PCNX4: variants seen among roughly 807,000 people sequenced by gnomAD.
The protein encoded by PCNX4 is pecanex-like protein 4.
PCNX4 carries 103 observed loss-of-function variants against 107.2 expected under a neutral mutation model. That is an observed-to-expected ratio of 0.96 (90% CI 0.82 to 1.13). The LOEUF is 1.13. Among genes scored for constraint, PCNX4 ranks in the 50% most tolerant of loss-of-function variants. The probability of loss-of-function intolerance (pLI) is 0.00; values close to 1 mark genes in which losing one functional copy is unlikely to be tolerated. For missense variants in PCNX4, 1,528 were observed against 1,379.4 expected, an observed-to-expected ratio of 1.11 and a Z score of -1.71; for synonymous variants, 541 against 481.7, an observed-to-expected ratio of 1.12 and a Z score of -1.61.
Position 60,136,263 on chromosome 14 carries a change from C to T in PCNX4, c.*2042C>T, listed in dbSNP as rs932622412. The T allele has an allele frequency of 1.6e-4, 24 of 152,142 alleles. No homozygotes were observed. The highest frequency in any genetic ancestry group is 4.6e-4 in the Admixed American group (7 of 15,272). The allele number at this position is 152,142 out of a possible 1,614,324, so 9.4% of individuals were successfully genotyped here. On this transcript the variant is annotated 3_prime_UTR_variant, in exon 11 of 11. Transcript: ENST00000406854. The stretch of plus-strand genomic sequence containing the variant: ...ATTATCTTTGTTTTCTTCTTATCTT[C>T]CTAGCAACTCCTCAAACATCTTTGC...
intron 2 of PCNX4, 81 bp from the exon 3 acceptor site, chr14:60,114,619 A>G (rs1895804514): frequency 2.5e-6 from 3 of 1,204,936 alleles, no homozygotes; most frequent in South Asian, 1.6e-5. Context: ...GTGTGTTGTT[A>G]TTCTGTGTTG....
In PCNX4 at chr14:60,145,255, G is replaced by A; in HGVS notation, c.*11034G>A. The A allele has an allele frequency of 3.0e-6, 1 of 332,364 alleles. No homozygotes were observed. The highest frequency in any genetic ancestry group is 1.1e-4 in the South Asian group (1 of 8,706). The allele number at this position is 332,364 out of a possible 1,614,324, so 20.6% of individuals were successfully genotyped here. On this transcript the variant is annotated 3_prime_UTR_variant, in exon 11 of 11. Coordinates refer to ENST00000406854, the MANE Select transcript of PCNX4 (RefSeq NM_001330177.2). The surrounding 1 kb of genome is among the most constrained non-coding windows in gnomAD (Gnocchi z 4.0). Reference sequence around the variant, plus strand: ...GTTTAGAGGAGGTATAAATAGCATTGGACTGCAATGCTAAATTCTCTATAA... The same window carrying A: ...GTTTAGAGGAGGTATAAATAGCATTAGACTGCAATGCTAAATTCTCTATAA...
At position 60,136,040 on chromosome 14, in the gene PCNX4, G is replaced by A. The variant is rs1418996351; in HGVS notation, c.*1819G>A. 1 of 151,704 alleles carries A rather than the reference G, an allele frequency of 6.6e-6. No homozygotes were observed. Among genetic ancestry groups the A allele is most frequent in the Non-Finnish European group, 1.5e-5 (1 of 67,972 alleles). 9.4% of individuals were successfully genotyped at this position (151,704 alleles called of 1,614,324 possible). On this transcript the variant is annotated 3_prime_UTR_variant, in exon 11 of 11. Coordinates refer to ENST00000406854, the MANE Select transcript of PCNX4 (RefSeq NM_001330177.2). ...CATATCTCCATTTCATTCATAGCCA[G>A]GTTTTCTCTTTCATTTACTTGTCAA... is the stretch of plus-strand genomic sequence containing the variant.
In PCNX4 at chr14:60,124,569, A is replaced by G. The variant is rs758618481; in HGVS notation, c.2398A>G (p.Thr800Ala). 5.0e-6 allele frequency: 8 copies of G among 1,613,848 alleles called. No homozygotes were observed. Among genetic ancestry groups the G allele is most frequent in the East Asian group, 2.2e-5 (1 of 44,878 alleles). Residue 800 changes from threonine (T) to alanine (A), a missense_variant, in exon 9 of 11, where the codon ACT becomes GCT. Physicochemically the swap from Thr to Ala is moderately conservative, Grantham distance 58. Coordinates refer to ENST00000406854, the MANE Select transcript of PCNX4 (RefSeq NM_001330177.2). Reference sequence around the variant, plus strand: ...ACCTCTAATGTTGCCTGCTTTGAACACTTTGCCACCTCCCAAATCCCCAGA... The same window carrying G: ...ACCTCTAATGTTGCCTGCTTTGAACGCTTTGCCACCTCCCAAATCCCCAGA... ...KAPLMLPALN[T>A]LPPPKSPEDI...
At chr14:60,115,634 A>T in intron 4 of PCNX4, 85 bp from the exon 5 acceptor site, 1 of 1,381,902 alleles carries the variant, frequency 7.2e-7, no homozygotes, top group Admixed American at 2.4e-5. Context: ...ATGTGCTCAT[A>T]AAAAATGTGT....
intron 1 of PCNX4, among the ~76,000 whole-genome samples, chr14:60,102,183 T>C (rs915487928): frequency 1.3e-5 from 2 of 152,216 alleles, no homozygotes; most frequent in Non-Finnish European, 2.9e-5. Flanking sequence ...AATACTGTAT[T>C]GTACACTTAA....
In PCNX4 at chr14:60,115,467, A is replaced by G; in HGVS notation, c.1357+6A>G. On this transcript the variant is annotated splice_donor_region_variant and intron_variant, in intron 4 of 10. Transcript: ENST00000406854. ...ACGGATTTTGCTAACTTTAGGTAGG[A>G]AGATAAAGTCTATTAACCTTGTGTT... The G allele has an allele frequency of 6.6e-7, 1 of 1,517,192 alleles. No homozygotes were observed. Among genetic ancestry groups the G allele is most frequent in the Non-Finnish European group, 8.8e-7 (1 of 1,141,236 alleles). The allele number at this position is 1,517,192 out of a possible 1,614,324, so 94.0% of individuals were successfully genotyped here.
chr14:60,115,268 GGC>G lies in PCNX4; in HGVS notation c.1165_1166del (p.Ala389TyrfsTer17). ...FSQISKSNSQ[A>X]IVGYGLMILL... ...CACAGATTTCTAAAAGCAATTCCCA[GGC>G]TATTGTGGGCTATGGTTTGATGATA... On this transcript the variant is annotated frameshift_variant, in exon 4 of 11. Coordinates refer to ENST00000406854, the MANE Select transcript of PCNX4 (RefSeq NM_001330177.2). LOFTEE classifies it high-confidence loss of function. 6.2e-7 allele frequency: 1 copy of G among 1,610,892 alleles called. No homozygotes were observed. Among genetic ancestry groups the G allele is most frequent in the Non-Finnish European group, 8.5e-7 (1 of 1,177,448 alleles).
At chr14:60,125,574 C>G in intron 9 of PCNX4, 63 bp from the exon 10 acceptor site, 1 of 1,184,160 alleles carries the variant, frequency 8.4e-7, no homozygotes, top group South Asian at 2.2e-5. Context: ...TTAACAAAAT[C>G]TATTTGATCT....
At position 60,107,570 on chromosome 14, in the gene PCNX4, A is replaced by G; in HGVS notation, c.-53-16A>G. 1 of 1,362,420 alleles carries G rather than the reference A, an allele frequency of 7.3e-7. No individual in the cohort carries two copies. Among genetic ancestry groups the G allele is most frequent in the Non-Finnish European group, 1.0e-6 (1 of 1,003,096 alleles). The allele number at this position is 1,362,420 out of a possible 1,614,324, so 84.4% of individuals were successfully genotyped here. A position where few individuals can be genotyped will look rare whatever the true frequency, so the allele number is the denominator to read the frequency against. On this transcript the variant is annotated splice_polypyrimidine_tract_variant and intron_variant, in intron 1 of 10. Coordinates refer to ENST00000406854, the MANE Select transcript of PCNX4 (RefSeq NM_001330177.2). Reference sequence around the variant, plus strand: ...ACATTTTCAAACAGTGACTTTTTTTAATTTTTATTTTTTAGAAACTGCTGT... The same window carrying G: ...ACATTTTCAAACAGTGACTTTTTTTGATTTTTATTTTTTAGAAACTGCTGT...
Position 60,147,495 on chromosome 14 carries a change from A to G in PCNX4, c.*13274A>G, listed in dbSNP as rs1033684426. ...TCATCACAATGTATACCTTAAATAT[A>G]TATAATTTTTATGTGTCAATTATAA... is the stretch of plus-strand genomic sequence containing the variant. On this transcript the variant is annotated 3_prime_UTR_variant, in exon 11 of 11. Coordinates refer to ENST00000406854, the MANE Select transcript of PCNX4 (RefSeq NM_001330177.2). The G allele has an allele frequency of 6.6e-6, 1 of 152,216 alleles. No homozygotes were observed. The highest frequency in any genetic ancestry group is 6.5e-5 in the Admixed American group (1 of 15,278). The allele number at this position is 152,216 out of a possible 1,614,324, so 9.4% of individuals were successfully genotyped here.
At position 60,124,977 on chromosome 14, in the gene PCNX4, G is replaced by C. The variant is rs752433727; in HGVS notation, c.2806G>C (p.Asp936His). The C allele has an allele frequency of 1.2e-6, 2 of 1,613,722 alleles. No homozygotes were observed. Among genetic ancestry groups the C allele is most frequent in the African/African-American group, 2.7e-5 (2 of 74,914 alleles). Residue 936 changes from aspartate to histidine, a missense_variant, in exon 9 of 11, where the codon GAC (aspartate) becomes CAC (histidine). Physicochemically the swap from Asp to His is moderately conservative, Grantham distance 81. Coordinates refer to ENST00000406854, the MANE Select transcript of PCNX4 (RefSeq NM_001330177.2). ...GGAGATGAGCTCGTTATTTCCAGAA[G>C]ACTGGTACCAATTTGTTCTAAGGCA... ...MKEMSSLFPE[D>H]WYQFVLRQLE...
chr14:60,100,577 G>A (rs1184041355), intron 1 of PCNX4, among the ~76,000 whole-genome samples: 1 of 152,176 alleles, frequency 6.6e-6, no homozygotes, highest in Non-Finnish European at 1.5e-5. Context: ...GGGATTACAG[G>A]CATGAGCCAC....
At position 60,115,529 on chromosome 14, in the gene PCNX4, C is replaced by G. The variant is rs2140549592; in HGVS notation, c.1357+68C>G. The G allele has an allele frequency of 3.4e-6, 5 of 1,463,918 alleles. No homozygotes were observed. The South Asian group carries it at 5.6e-5, about 16-fold the overall frequency. The allele number at this position is 1,463,918 out of a possible 1,614,324, so 90.7% of individuals were successfully genotyped here. A position where few individuals can be genotyped will look rare whatever the true frequency, so the allele number is the denominator to read the frequency against. ...CCTGGAAGTATTCAAAAATATTACT[C>G]AATTCCCATATTTGTGTGGTATTAT... On this transcript the variant is annotated intron_variant, in intron 4 of 10. Coordinates refer to ENST00000406854, the MANE Select transcript of PCNX4 (RefSeq NM_001330177.2).
intron 10 of PCNX4, among the ~76,000 whole-genome samples, chr14:60,128,797 T>C (rs886278520): frequency 4.6e-5 from 7 of 152,212 alleles, no homozygotes; most frequent in African/African-American, 1.4e-4. Flanking sequence ...TGTAATTTGC[T>C]AATAATTGCA....
chr14:60,094,281 A>G (rs2084299111), intron 1 of PCNX4, among the ~76,000 whole-genome samples: 1 of 149,262 alleles, frequency 6.7e-6, no homozygotes, highest in Non-Finnish European at 1.5e-5. Flanking sequence ...CACTTTGTAG[A>G]TTCCTCTTGG....
At chr14:60,101,714 A>T (rs1895536099) in intron 1 of PCNX4, among the ~76,000 whole-genome samples, 1 of 152,218 alleles carries the variant, frequency 6.6e-6, no homozygotes, top group African/African-American at 2.4e-5. Flanking sequence ...AATAATTAAA[A>T]AAAGAGCTAC....
At chr14:60,121,944 G>A (rs1287388006) in intron 8 of PCNX4, among the ~76,000 whole-genome samples, 1 of 152,094 alleles carries the variant, frequency 6.6e-6, no homozygotes, top group African/African-American at 2.4e-5. Flanking sequence ...CTACTTTGTG[G>A]TTCCTTCTCT....
intron 7 of PCNX4, among the ~76,000 whole-genome samples, chr14:60,119,759 G>A (rs2140555456): frequency 6.6e-6 from 1 of 152,116 alleles, no homozygotes; most frequent in African/African-American, 2.4e-5. Flanking sequence ...ACTCAACCAA[G>A]AATTGCGTTA....
Sources: gnomAD v4.1 joint callset for allele counts (sites outside exome capture counted in the v4.1 genomes callset) on GRCh38, gnomAD v4.1.1 for gene constraint, Gnocchi (gnomAD v3.1) non-coding constraint, MANE v1.5 for transcripts, NCBI Gene and HGNC (gene_info 2026-07-23, HGNC 2026-07-21) for gene names.